The following TMEM62 variants were observed in gnomAD, a reference collection of about 807,000 sequenced individuals.
The protein encoded by TMEM62 is transmembrane protein 62.
A neutral mutation model predicts 70.4 loss-of-function variants in TMEM62; 41 were observed. The ratio of observed to expected loss-of-function variants is 0.58; its 90% CI spans 0.45 to 0.76. The LOEUF (loss-of-function observed/expected upper bound fraction) is 0.76, where lower values mean the gene tolerates loss of function less well. TMEM62 is among the 30% of genes least tolerant of loss of function. TMEM62 has a pLI of 0.00. For missense variants in TMEM62, 688 were observed against 788.5 expected (o/e 0.87, Z 1.53); for synonymous variants, 268 against 291.0 (o/e 0.92, Z 0.80).
At position 43,135,566 on chromosome 15, in the gene TMEM62, T is replaced by A; in HGVS notation, c.347T>A (p.Val116Glu). 1 of 1,611,864 alleles carries A rather than the reference T, an allele frequency of 6.2e-7. No individual in the cohort carries two copies. Among genetic ancestry groups the A allele is most frequent in the South Asian group, 1.1e-5 (1 of 90,492 alleles). Residue 116 changes from valine to glutamate, a missense_variant, in exon 3 of 14, where the codon GTA becomes GAA. By Grantham distance (121) the Val-to-Glu change is moderately radical (BLOSUM62 -2). Transcript: ENST00000260403. ...CAGTTGGGATCCAGGCAGCATGAGG[T>A]AGAATGGCAAACCTACCAGGGTATT... ...KEQLGSRQHEVEWQTYQGILK... is the reference protein window; with the variant it reads ...KEQLGSRQHEEEWQTYQGILK...
intron 11 of TMEM62, among the ~76,000 whole-genome samples, chr15:43,175,010 A>T (rs1246690288): frequency 6.6e-6 from 1 of 152,210 alleles, no homozygotes; most frequent in African/African-American, 2.4e-5. Flanking sequence ...CCTCTACCCC[A>T]GGCAAATTAA....
chr15:43,167,978 G>A (rs1208961325), intron 10 of TMEM62, among the ~76,000 whole-genome samples: 1 of 152,094 alleles, frequency 6.6e-6, no homozygotes, highest in Non-Finnish European at 1.5e-5. Context: ...ACGAAAACCA[G>A]TCAGGCGTGG....
At chr15:43,179,387 T>C (rs1009375990) in intron 12 of TMEM62, among the ~76,000 whole-genome samples, 2 of 152,236 alleles carry the variant, frequency 1.3e-5, no homozygotes, top group Admixed American at 6.5e-5. Flanking sequence ...CACTCTTCTG[T>C]TGTATTATTA....
intron 4 of TMEM62, among the ~76,000 whole-genome samples, chr15:43,141,265 C>A (rs1185900679): frequency 2.0e-5 from 3 of 152,208 alleles, no homozygotes; most frequent in Non-Finnish European, 2.9e-5. Flanking sequence ...TGGGTTCCTG[C>A]TCCATAGCTG....
chr15:43,149,796 A>T (rs1186259947), intron 7 of TMEM62, among the ~76,000 whole-genome samples: 1 of 152,140 alleles, frequency 6.6e-6, no homozygotes, highest in African/African-American at 2.4e-5. Context: ...TAGAAGTGTC[A>T]TGTTTTTCCT....
At chr15:43,168,718 C>G (rs573443719) in intron 10 of TMEM62, among the ~76,000 whole-genome samples, 2 of 152,212 alleles carry the variant, frequency 1.3e-5, no homozygotes, top group Admixed American at 6.5e-5. Flanking sequence ...GCCACCACAA[C>G]TGGTGTCTCA....
chr15:43,148,630 T>C, intron 5 of TMEM62, 125 bp from the exon 6 acceptor site: 1 of 1,102,526 alleles, frequency 9.1e-7, no homozygotes, highest in Non-Finnish European at 1.3e-6. Context: ...CATTAACTAG[T>C]AAGGTTTAAG....
At chr15:43,171,458 C>T (rs1187892133) in intron 11 of TMEM62, among the ~76,000 whole-genome samples, 1 of 151,932 alleles carries the variant, frequency 6.6e-6, no homozygotes, top group Admixed American at 6.6e-5. Context: ...TTCTCCTAAA[C>T]TCCTAGTCTT....
chr15:43,164,454 T>C (rs1321611114), intron 10 of TMEM62, among the ~76,000 whole-genome samples: 1 of 150,526 alleles, frequency 6.6e-6, no homozygotes, highest in East Asian at 1.9e-4. Context: ...TTCTTTTCTT[T>C]TTTTTTTTTT....
chr15:43,135,400 TA>T (rs2035069372), intron 2 of TMEM62, 111 bp from the exon 3 acceptor site: 1 of 1,095,790 alleles, frequency 9.1e-7, no homozygotes, highest in Non-Finnish European at 1.2e-6. Flanking sequence ...GTTATGCTTA[TA>T]CACGTTGAGT....
chr15:43,140,713 C>G (rs2035883087), intron 4 of TMEM62, among the ~76,000 whole-genome samples: 1 of 152,198 alleles, frequency 6.6e-6, no homozygotes, highest in African/African-American at 2.4e-5. Context: ...TGCCCAATCT[C>G]AGTCTGATAG....
At chr15:43,183,972 A>G (rs1005541604) in intron 13 of TMEM62, 2 of 426,056 alleles carry the variant, frequency 4.7e-6, no homozygotes, top group Non-Finnish European at 8.4e-6. Flanking sequence ...TACTCAGTTC[A>G]ATTCCAGCTT....
intron 11 of TMEM62, among the ~76,000 whole-genome samples, chr15:43,177,307 T>C (rs2040856807): frequency 6.6e-6 from 1 of 151,976 alleles, no homozygotes; most frequent in Admixed American, 6.6e-5. Context: ...TGAGATACCA[T>C]CTCACACCAG....
chr15:43,184,554 A>T lies in TMEM62; in HGVS notation c.1900A>T (p.Met634Leu). The T allele has an allele frequency of 6.2e-7, 1 of 1,611,776 alleles. No individual in the cohort carries two copies. Among genetic ancestry groups the T allele is most frequent in the Non-Finnish European group, 8.5e-7 (1 of 1,179,996 alleles). The change falls in exon 14 of 14, where the codon ATG (methionine) becomes TTG (leucine). Residue 634 changes from methionine (M) to leucine (L), a missense_variant. Transcript: ENST00000260403. ...GAACTCCACCAAGTTTGGAATCTTC[A>T]TGGTGCAGTTAAAAAGCCACCTGAG... ...TLNSTKFGIF[M>L]VQLKSHLSS
chr15:43,168,804 T>C (rs993214870), intron 10 of TMEM62, among the ~76,000 whole-genome samples: 1 of 152,320 alleles, frequency 6.6e-6, no homozygotes, highest in African/African-American at 2.4e-5. Context: ...ACTGCAGTCC[T>C]TGTGGCTTGA....
chr15:43,136,520 C>T (rs1412261311), intron 3 of TMEM62, among the ~76,000 whole-genome samples: 1 of 152,094 alleles, frequency 6.6e-6, no homozygotes, highest in African/African-American at 2.4e-5. Context: ...TCTCAGCTCA[C>T]TGCAACCTTC....
intron 7 of TMEM62, among the ~76,000 whole-genome samples, 194 bp downstream of exon 7, chr15:43,149,345 C>G (rs575535495): frequency 6.6e-6 from 1 of 152,204 alleles, no homozygotes; most frequent in African/African-American, 2.4e-5. Flanking sequence ...TGTTTACTAT[C>G]ACTATGTTAC....
rs117610667 is a variant in TMEM62, at chr15:43,138,216, A to G, written c.431-358A>G. On this transcript the variant is annotated intron_variant, in intron 3 of 13. Coordinates refer to ENST00000260403, the MANE Select transcript of TMEM62 (RefSeq NM_024956.4). ...AGTCTAGCCATACTGGTTCTAGGAGAGGCTCAGTGGCCCTAGAGAGATGGG... is the reference window on the plus strand; with the variant it reads ...AGTCTAGCCATACTGGTTCTAGGAGGGGCTCAGTGGCCCTAGAGAGATGGG... Among the ~76,000 whole-genome samples, 35 of 152,210 alleles carry G rather than the reference A, an allele frequency of 2.3e-4. No homozygotes were observed. In the East Asian group the frequency reaches 6.2e-3, roughly 27 times the overall value.
chr15:43,181,121 A>G (rs1371975025), intron 12 of TMEM62, 60 bp from the exon 13 acceptor site: 8 of 1,040,348 alleles, frequency 7.7e-6, no homozygotes, highest in Non-Finnish European at 1.1e-5. Flanking sequence ...ATCTCATGAT[A>G]TATGTAATCA....
Sources: gnomAD v4.1 joint callset for allele counts (sites outside exome capture counted in the v4.1 genomes callset) on GRCh38, gnomAD v4.1.1 for gene constraint, MANE v1.5 for transcripts, NCBI Gene and HGNC (gene_info 2026-07-23, HGNC 2026-07-21) for gene names.